The following DLG2 variants were observed in gnomAD, a reference collection of about 807,000 sequenced individuals.
The protein encoded by DLG2 is disks large homolog 2.
In DLG2, 45 loss-of-function variants were observed where a neutral mutation model predicts 132.5. The observed-to-expected ratio is 0.34, with a 90% CI of 0.27 to 0.44. DLG2 has a LOEUF of 0.44. DLG2 is among the 20% of genes least tolerant of loss of function. DLG2 has a pLI of 1.00. For synonymous variants in DLG2, 424 were observed against 419.6 expected (o/e 1.01, Z -0.13); for missense variants, 1,045 against 1,196.9 (o/e 0.87, Z 1.87).
In DLG2 at chr11:84,138,819, C is replaced by T. The variant is rs1052912775; in HGVS notation, c.624+24642G>A. ...CAAAAATTAGCCTAGCGTGGTGGCA[C>T]ATGCCTGTAATCCCAGTTACTGGGG... On this transcript the variant is annotated intron_variant, in intron 9 of 27. Transcript: ENST00000376104. Among the ~76,000 whole-genome samples the T allele has an allele frequency of 2.6e-5, 4 of 151,986 alleles. No individual in the cohort carries two copies. The East Asian group carries it at 7.8e-4, about 30-fold the overall frequency.
intron 6 of DLG2, chr11:84,890,833 A>G (rs1350752415): frequency 1.3e-5 from 2 of 152,264 alleles, no homozygotes; most frequent in Non-Finnish European, 2.9e-5. Flanking sequence ...GCCAGTCTTC[A>G]GAGGCCAGTG....
intron 3 of DLG2, among the ~76,000 whole-genome samples, chr11:85,569,787 T>C (rs980889615): frequency 2.0e-5 from 3 of 152,200 alleles, no homozygotes; most frequent in South Asian, 2.1e-4. Flanking sequence ...TTATACACCG[T>C]TGGTAAATTA....
intron 6 of DLG2, among the ~76,000 whole-genome samples, chr11:84,615,099 C>G (rs551367345): frequency 1.3e-5 from 2 of 152,236 alleles, no homozygotes; most frequent in South Asian, 4.1e-4. Context: ...TTGATTTATT[C>G]TGTCACTACA....
chr11:85,240,408 A>T (rs1213182539), intron 4 of DLG2, among the ~76,000 whole-genome samples: 2 of 151,824 alleles, frequency 1.3e-5, no homozygotes, highest in Non-Finnish European at 2.9e-5. Flanking sequence ...TAACTTGATA[A>T]ACAAAAGCTC....
At position 85,100,080 on chromosome 11, in the gene DLG2, A is replaced by C. The variant is rs1200847788; in HGVS notation, c.357+11581T>G. ...TAAAAGAAATCACCATCAGAAAAAAATTAAATTCTATGCTCTTATTAAGTA... is the reference window on the plus strand; with the variant it reads ...TAAAAGAAATCACCATCAGAAAAAACTTAAATTCTATGCTCTTATTAAGTA... On this transcript the variant is annotated intron_variant, in intron 6 of 27. Transcript: ENST00000376104. 3.9e-5 allele frequency among the ~76,000 whole-genome samples: 6 copies of C among 152,206 alleles called. No individual in the cohort carries two copies. In the East Asian group the frequency reaches 1.2e-3, roughly 29 times the overall value.
chr11:85,447,144 T>C (rs1358035146), intron 3 of DLG2, among the ~76,000 whole-genome samples: 4 of 152,184 alleles, frequency 2.6e-5, no homozygotes, highest in Non-Finnish European at 5.9e-5. Context: ...AATCTTACAA[T>C]TTTCACTTTA....
intron 21 of DLG2, among the ~76,000 whole-genome samples, chr11:83,516,781 T>C (rs1420435376): frequency 6.6e-6 from 1 of 152,242 alleles, no homozygotes; most frequent in Admixed American, 6.5e-5. Flanking sequence ...CCTTCACTTA[T>C]GAAGCTTAGT....
chr11:84,631,016 T>A (rs867048156), intron 6 of DLG2, among the ~76,000 whole-genome samples: 1,546 of 122,060 alleles, frequency 0.013, 14 homozygotes, highest in South Asian at 0.033. Context: ...TCTCTCTCTC[T>A]CTCACACACA....
chr11:83,957,420 AC>A (rs2087168121), intron 14 of DLG2, among the ~76,000 whole-genome samples: 1 of 152,180 alleles, frequency 6.6e-6, no homozygotes, highest in East Asian at 1.9e-4. Flanking sequence ...GGGCTATTAA[AC>A]CTTGCTCTGA....
chr11:83,849,874 C>T lies in DLG2; in HGVS notation c.1566-16104G>A, dbSNP rs150088060. On this transcript the variant is annotated intron_variant, in intron 16 of 27. Coordinates refer to ENST00000376104, the MANE Select transcript of DLG2 (RefSeq NM_001142699.3). ...TACTGTAAATGAACTCCCTTTCCCC[C>T]GGCCTTCGTGTCTCCAGTACCCAGC... Among the ~76,000 whole-genome samples, 1,006 of 152,106 alleles carry T rather than the reference C, an allele frequency of 6.6e-3. 7 individuals are homozygous for T. The highest frequency in any genetic ancestry group is 9.5e-3 in the Non-Finnish European group (649 of 68,012).
At chr11:85,496,627 C>T (rs1419426470) in intron 3 of DLG2, among the ~76,000 whole-genome samples, 1 of 152,170 alleles carries the variant, frequency 6.6e-6, no homozygotes, top group Non-Finnish European at 1.5e-5. Context: ...CAAGTGGGTC[C>T]CTGATCCCCA....
At chr11:83,472,852 C>T in intron 22 of DLG2, 75 bp from the exon 23 acceptor site, 2 of 1,247,454 alleles carry the variant, frequency 1.6e-6, no homozygotes, top group Non-Finnish European at 2.3e-6. Flanking sequence ...CTCTGAAACA[C>T]AGGAAACAGA....
intron 18 of DLG2, among the ~76,000 whole-genome samples, chr11:83,689,986 TTATTA>T (rs2080647173): frequency 7.5e-6 from 1 of 133,706 alleles, no homozygotes; most frequent in African/African-American, 2.9e-5. Flanking sequence ...TATAATATAT[TTATTA>T]TAATATTATA....
intron 6 of DLG2, among the ~76,000 whole-genome samples, chr11:85,003,275 G>C (rs1426792824): frequency 6.6e-6 from 1 of 152,032 alleles, no homozygotes; most frequent in Non-Finnish European, 1.5e-5. Context: ...AAAAATTTCT[G>C]GGAGAATTGA....
chr11:84,553,099 C>T (rs1361189619), intron 6 of DLG2, among the ~76,000 whole-genome samples: 2 of 152,150 alleles, frequency 1.3e-5, no homozygotes, highest in East Asian at 3.9e-4. Context: ...TCCCAAATCA[C>T]AGGTGAGAAA....
intron 3 of DLG2, among the ~76,000 whole-genome samples, chr11:85,296,658 A>T (rs888383200): frequency 6.6e-6 from 1 of 151,348 alleles, no homozygotes; most frequent in African/African-American, 2.4e-5. Flanking sequence ...CACTTGAAAA[A>T]AGTATCACAT....
At chr11:85,526,629 T>A (rs1274898739) in intron 3 of DLG2, among the ~76,000 whole-genome samples, 1 of 152,206 alleles carries the variant, frequency 6.6e-6, no homozygotes, top group Non-Finnish European at 1.5e-5. Context: ...GAATAATAGT[T>A]AATTTTATGT....
chr11:83,504,827 C>T (rs1368474896), intron 21 of DLG2, among the ~76,000 whole-genome samples: 9 of 152,128 alleles, frequency 5.9e-5, no homozygotes, highest in Non-Finnish European at 8.8e-5. Context: ...GCATACGTGG[C>T]CTTCTGGAGA....
At chr11:83,465,520 T>C (rs565388676) in intron 26 of DLG2, among the ~76,000 whole-genome samples, 2 of 152,326 alleles carry the variant, frequency 1.3e-5, no homozygotes, top group Admixed American at 1.3e-4. Flanking sequence ...AAGGCAAAAT[T>C]TGATCAAGGC....
Sources: allele counts gnomAD v4.1 joint callset (sites outside exome capture counted in the v4.1 genomes callset), GRCh38; gene constraint gnomAD v4.1.1; transcripts MANE v1.5; gene names NCBI Gene and HGNC (gene_info 2026-07-23, HGNC 2026-07-21).